The following AFTPH variants were observed in gnomAD, a reference collection of about 807,000 sequenced individuals.
AFTPH encodes the protein aftiphilin protein.
In AFTPH, 7 loss-of-function variants were observed where a neutral mutation model predicts 72.5. The observed-to-expected ratio is 0.10, with a 90% CI of 0.05 to 0.18. AFTPH has a LOEUF of 0.18. AFTPH is among the 10% of genes least tolerant of loss of function. The pLI is 1.00. For missense variants in AFTPH, 979 were observed against 1,060.5 expected, an observed-to-expected ratio of 0.92 and a Z score of 1.07; for synonymous variants, 337 against 370.1, an observed-to-expected ratio of 0.91 and a Z score of 1.03.
chr2:64,587,873 C>T (rs1673602537), intron 8 of AFTPH, among the ~76,000 whole-genome samples: 1 of 152,206 alleles, frequency 6.6e-6, no homozygotes, highest in African/African-American at 2.4e-5. Flanking sequence ...TAAATCACTA[C>T]TAATTAGTGA....
intron 8 of AFTPH, among the ~76,000 whole-genome samples, chr2:64,590,080 T>G (rs1673734252): frequency 6.6e-6 from 1 of 152,262 alleles, no homozygotes; most frequent in African/African-American, 2.4e-5. Context: ...TAGGCTATAT[T>G]CAGATTTCTC....
intron 1 of AFTPH, among the ~76,000 whole-genome samples, chr2:64,543,973 T>C (rs1321947808): frequency 2.0e-5 from 3 of 152,230 alleles, no homozygotes; most frequent in African/African-American, 7.2e-5. Flanking sequence ...CCTGCCATCC[T>C]GGCTACTAAT....
At chr2:64,532,622 C>T (rs887418630) in intron 1 of AFTPH, among the ~76,000 whole-genome samples, 1 of 152,218 alleles carries the variant, frequency 6.6e-6, no homozygotes, top group African/African-American at 2.4e-5. Flanking sequence ...AGCCCTGGAA[C>T]ATGACCAGCT....
At chr2:64,561,410 C>T (rs538432918) in intron 2 of AFTPH, among the ~76,000 whole-genome samples, 1 of 152,260 alleles carries the variant, frequency 6.6e-6, no homozygotes, top group East Asian at 1.9e-4. Flanking sequence ...GGTGTGGTGG[C>T]CCACATGTGA....
At chr2:64,568,137 A>G (rs1440833040) in intron 3 of AFTPH, among the ~76,000 whole-genome samples, 3 of 152,154 alleles carry the variant, frequency 2.0e-5, no homozygotes, top group Non-Finnish European at 2.9e-5. Context: ...TTCTAAATCA[A>G]TAATCAGTTG....
In AFTPH at chr2:64,551,547, G is replaced by A. The variant is rs754678561; in HGVS notation, c.73G>A (p.Asp25Asn). ...AGACAATGGAGCAGAGGATGATGATGATGATGAATTTGGGGAATTTGGTGG... is the reference window on the plus strand; with the variant it reads ...AGACAATGGAGCAGAGGATGATGATAATGATGAATTTGGGGAATTTGGTGG... The change falls in exon 2 of 9, where the codon GAT becomes AAT. Residue 25 changes from aspartate to asparagine, a missense_variant. Physicochemically the swap from Asp to Asn is conservative, Grantham distance 23. Coordinates refer to ENST00000238856, the Ensembl canonical transcript of AFTPH. The A allele has an allele frequency of 8.4e-5, 135 of 1,614,108 alleles. No individual in the cohort carries two copies. The highest frequency in any genetic ancestry group is 1.1e-4 in the Non-Finnish European group (127 of 1,179,986).
chr2:64,540,829 C>A (rs1233707618), intron 1 of AFTPH, among the ~76,000 whole-genome samples: 1 of 152,000 alleles, frequency 6.6e-6, no homozygotes, highest in Non-Finnish European at 1.5e-5. Flanking sequence ...AATACTGAAA[C>A]AAGATATTTG....
intron 1 of AFTPH, among the ~76,000 whole-genome samples, chr2:64,541,350 T>G (rs1377552324): frequency 6.6e-6 from 1 of 152,068 alleles, no homozygotes; most frequent in African/African-American, 2.4e-5. Context: ...ATATCTTGGG[T>G]TTTTGTTTTT....
chr2:64,576,184 CAT>C (rs779422046), intron 6 of AFTPH, among the ~76,000 whole-genome samples: 3 of 141,130 alleles, frequency 2.1e-5, no homozygotes, highest in Admixed American at 7.2e-5. Flanking sequence ...TTTACATATA[CAT>C]ATATATATAT....
intron 2 of AFTPH, among the ~76,000 whole-genome samples, chr2:64,557,775 A>G (rs561566482): frequency 1.4e-4 from 21 of 152,372 alleles, no homozygotes; most frequent in Non-Finnish European, 2.6e-4. Context: ...AAAATAAGAG[A>G]ATTAAGATGT....
rs771417311 is a variant in AFTPH, at chr2:64,592,031, G to T, written c.2726G>T (p.Gly909Val). ...ACAAGCTCTCAAGAAAAAGCAGACG[G>T]ATAACTGATGTGAATTGGACAGTTT... The change falls in exon 9 of 9, where the codon GGA (glycine) becomes GTA (valine). Residue 909 changes from glycine to valine, a missense_variant. Transcript: ENST00000238856. 3.7e-6 allele frequency: 6 copies of T among 1,611,860 alleles called. No homozygotes were observed. The South Asian group carries it at 4.4e-5, about 12-fold the overall frequency.
chr2:64,559,110 A>T (rs1487353176), intron 2 of AFTPH, among the ~76,000 whole-genome samples: 2 of 152,220 alleles, frequency 1.3e-5, no homozygotes, highest in African/African-American at 4.8e-5. Context: ...GGAGATAGGC[A>T]TTTGAATGGC....
intron 8 of AFTPH, among the ~76,000 whole-genome samples, chr2:64,588,028 G>T (rs1010154380): frequency 1.3e-5 from 2 of 152,154 alleles, no homozygotes; most frequent in South Asian, 4.1e-4. Flanking sequence ...TCACAAGGTT[G>T]TGCAACCATC....
At chr2:64,556,947 G>A (rs910039970) in intron 2 of AFTPH, among the ~76,000 whole-genome samples, 1 of 152,084 alleles carries the variant, frequency 6.6e-6, no homozygotes, top group African/African-American at 2.4e-5. Flanking sequence ...GGTAAGTAGT[G>A]GTATCTCCAT....
intron 1 of AFTPH, among the ~76,000 whole-genome samples, chr2:64,536,456 T>C (rs1328617024): frequency 6.6e-6 from 1 of 151,256 alleles, no homozygotes; most frequent in Non-Finnish European, 1.5e-5. Flanking sequence ...ATCCCAGCTA[T>C]TGCTCAGGAG....
chr2:64,546,039 C>T (rs1236174094), intron 1 of AFTPH, among the ~76,000 whole-genome samples: 2 of 151,848 alleles, frequency 1.3e-5, no homozygotes, highest in African/African-American at 4.8e-5. Flanking sequence ...ATTACAGGCA[C>T]CCGCCACCAC....
chr2:64,565,468 C>CT (rs1428795506), intron 2 of AFTPH, among the ~76,000 whole-genome samples: 3 of 108,310 alleles, frequency 2.8e-5, no homozygotes, highest in African/African-American at 1.2e-4. Context: ...GAGCGAGACT[C>CT]TATCTCAAAA....
chr2:64,577,194 T>C (rs2104149840), intron 6 of AFTPH, among the ~76,000 whole-genome samples: 1 of 152,356 alleles, frequency 6.6e-6, no homozygotes, highest in South Asian at 2.1e-4. Context: ...CTTATTTGCC[T>C]AGTGCTTTTA....
intron 6 of AFTPH, among the ~76,000 whole-genome samples, chr2:64,577,397 T>C (rs1202653714): frequency 1.3e-5 from 2 of 152,226 alleles, no homozygotes; most frequent in African/African-American, 4.8e-5. Flanking sequence ...CTCATTATGA[T>C]TTTGGCTGTC....
Sources: gnomAD v4.1 joint callset for allele counts (sites outside exome capture counted in the v4.1 genomes callset) on GRCh38, gnomAD v4.1.1 for gene constraint, MANE v1.5 for transcripts, NCBI Gene and HGNC (gene_info 2026-07-23, HGNC 2026-07-21) for gene names.